The following TAFA1 variants were observed in gnomAD, a reference collection of about 807,000 sequenced individuals.
TAFA1 encodes the protein TAFA chemokine like family member 1.
Under a neutral mutation model 18.5 loss-of-function variants are expected in TAFA1, and 4 were observed. The ratio of observed to expected loss-of-function variants is 0.22; its 90% confidence interval spans 0.11 to 0.49. The LOEUF (loss-of-function observed/expected upper bound fraction) is 0.49, where lower values mean the gene tolerates loss of function less well. Among genes scored for constraint, TAFA1 ranks in the 20% least tolerant of loss-of-function variants. The pLI, the probability that TAFA1 is intolerant of heterozygous loss-of-function variation, is 0.98. For synonymous variants in TAFA1, 56 were observed against 55.2 expected, an observed-to-expected ratio of 1.01 and a Z score of -0.06; for missense variants, 147 against 169.0, an observed-to-expected ratio of 0.87 and a Z score of 0.72.
chr3:68,243,130 CTT>C (rs1243012722), intron 2 of TAFA1, among the ~76,000 whole-genome samples: 1 of 151,810 alleles, frequency 6.6e-6, no homozygotes, highest in Non-Finnish European at 1.5e-5. Flanking sequence ...GTAATAATCT[CTT>C]TAACTTTTTA....
In TAFA1 at chr3:68,381,901, G is replaced by C. The variant is rs1466062541; in HGVS notation, c.119-35379G>C. ...TTGCCCATTCAGTATGATATTGGCT[G>C]TGGGTTTGTCATAGATAGCTCTTAT... is the stretch of plus-strand genomic sequence containing the variant. On this transcript the variant is annotated intron_variant, in intron 2 of 4. Transcript: ENST00000478136. 3.3e-5 allele frequency among the ~76,000 whole-genome samples: 5 copies of C among 152,314 alleles called. No individual in the cohort carries two copies. The South Asian group carries it at 6.2e-4, about 19-fold the overall frequency.
intron 2 of TAFA1, among the ~76,000 whole-genome samples, chr3:68,126,474 A>T (rs1238694027): frequency 6.6e-6 from 1 of 152,220 alleles, no homozygotes; most frequent in Non-Finnish European, 1.5e-5. Flanking sequence ...GCAAGTATTC[A>T]ATTTTCCCCC....
intron 2 of TAFA1, among the ~76,000 whole-genome samples, chr3:68,279,028 C>A (rs190093372): frequency 1.1e-4 from 16 of 152,228 alleles, no homozygotes; most frequent in Admixed American, 6.5e-4. Context: ...CCAGGTGATA[C>A]TGCTGGATCA....
At chr3:68,385,530 A>G (rs770245206) in intron 2 of TAFA1, among the ~76,000 whole-genome samples, 1 of 152,080 alleles carries the variant, frequency 6.6e-6, no homozygotes, top group African/African-American at 2.4e-5. Context: ...TTTTAAAAGG[A>G]TACACTATTC....
intron 3 of TAFA1, among the ~76,000 whole-genome samples, chr3:68,505,034 C>T (rs373998805): frequency 1.2e-4 from 19 of 152,102 alleles, no homozygotes; most frequent in African/African-American, 4.6e-4. Flanking sequence ...GCCTATTAAG[C>T]AGACACCAAA....
At chr3:68,164,249 C>T (rs896186199) in intron 2 of TAFA1, among the ~76,000 whole-genome samples, 4 of 152,136 alleles carry the variant, frequency 2.6e-5, no homozygotes, top group African/African-American at 9.7e-5. Flanking sequence ...TCACATAGGT[C>T]TTGCCTCTGA....
Position 68,281,685 on chromosome 3 carries a change from C to T in TAFA1, c.119-135595C>T, listed in dbSNP as rs114961589. 3.1e-3 allele frequency among the ~76,000 whole-genome samples: 471 copies of T among 151,960 alleles called. 3 individuals carry two copies. Among genetic ancestry groups the T allele is most frequent in the African/African-American group, 0.011 (450 of 41,470 alleles). ...AGATTTCAGGCTGGTCTCAAACTCC[C>T]GACCTGAAGTGATCCACCTGCCTCG... On this transcript the variant is annotated intron_variant, in intron 2 of 4. Coordinates refer to ENST00000478136, the MANE Select transcript of TAFA1 (RefSeq NM_213609.4).
At chr3:68,527,073 T>C (rs1479424921) in intron 3 of TAFA1, among the ~76,000 whole-genome samples, 1 of 152,194 alleles carries the variant, frequency 6.6e-6, no homozygotes, top group Non-Finnish European at 1.5e-5. Context: ...GCTAACCATT[T>C]ATTAAAAATT....
chr3:68,403,465 C>G (rs887792990), intron 2 of TAFA1, among the ~76,000 whole-genome samples: 1 of 152,220 alleles, frequency 6.6e-6, no homozygotes, highest in Non-Finnish European at 1.5e-5. Context: ...CCGTCTAAAA[C>G]GGGTTGGCAA....
At chr3:68,087,032 G>A (rs760841425) in intron 2 of TAFA1, among the ~76,000 whole-genome samples, 3 of 152,182 alleles carry the variant, frequency 2.0e-5, no homozygotes, top group Non-Finnish European at 4.4e-5. Flanking sequence ...CATGTTTGCA[G>A]ACATTTTAGA....
At chr3:68,194,583 G>A (rs1038591808) in intron 2 of TAFA1, among the ~76,000 whole-genome samples, 35 of 151,596 alleles carry the variant, frequency 2.3e-4, no homozygotes, top group African/African-American at 8.2e-4. Context: ...TGTTGTTGTT[G>A]GCAGGGAGTA....
At chr3:68,430,402 C>T (rs542040223) in intron 3 of TAFA1, among the ~76,000 whole-genome samples, 73 of 152,024 alleles carry the variant, frequency 4.8e-4, no homozygotes, top group African/African-American at 1.7e-3. Context: ...AAGTTAGATA[C>T]GGCCAAACAA....
chr3:68,222,667 G>T (rs1050553473), intron 2 of TAFA1, among the ~76,000 whole-genome samples: 1 of 151,792 alleles, frequency 6.6e-6, no homozygotes, highest in Non-Finnish European at 1.5e-5. Context: ...GGAGAGTATT[G>T]TTTTTATTTT....
At chr3:68,352,404 T>C (rs565611311) in intron 2 of TAFA1, among the ~76,000 whole-genome samples, 8 of 152,012 alleles carry the variant, frequency 5.3e-5, no homozygotes, top group South Asian at 2.1e-4. Flanking sequence ...TTCTAGAGAA[T>C]TGACAAGGCA....
chr3:68,259,864 A>G (rs927771998), intron 2 of TAFA1, among the ~76,000 whole-genome samples: 1 of 152,138 alleles, frequency 6.6e-6, no homozygotes, highest in East Asian at 1.9e-4. Flanking sequence ...TTCTAGATAT[A>G]CAATCATGTC....
intron 2 of TAFA1, among the ~76,000 whole-genome samples, chr3:68,410,704 G>GAAAA (rs1559657339): frequency 7.3e-4 from 1 of 1,378 alleles, no homozygotes; most frequent in Non-Finnish European, 1.5e-3. Context: ...TTTTCCATAA[G>GAAAA]CAAAAAAAAA....
chr3:68,300,078 G>A (rs1204711090), intron 2 of TAFA1, among the ~76,000 whole-genome samples: 4 of 152,178 alleles, frequency 2.6e-5, no homozygotes, highest in African/African-American at 9.7e-5. Flanking sequence ...AGAGAAGAGG[G>A]TCACCATCCT....
At chr3:68,275,629 T>A (rs1047669102) in intron 2 of TAFA1, among the ~76,000 whole-genome samples, 1 of 151,780 alleles carries the variant, frequency 6.6e-6, no homozygotes, top group Non-Finnish European at 1.5e-5. Context: ...TTAGAGGAGA[T>A]AATGATGAGG....
intron 2 of TAFA1, among the ~76,000 whole-genome samples, chr3:68,134,583 T>G (rs558426163): frequency 6.6e-6 from 1 of 152,158 alleles, no homozygotes; most frequent in East Asian, 1.9e-4. Flanking sequence ...CATTTTCTTA[T>G]AGTTAGAATA....
Sources: gnomAD v4.1 joint callset for allele counts (sites outside exome capture counted in the v4.1 genomes callset) on GRCh38, gnomAD v4.1.1 for gene constraint, MANE v1.5 for transcripts, NCBI Gene and HGNC (gene_info 2026-07-23, HGNC 2026-07-21) for gene names.